Variants in PALLD observed in about 807,000 individuals in gnomAD.
The protein encoded by PALLD is palladin, cytoskeletal associated protein.
Under a neutral mutation model 123.5 loss-of-function variants are expected in PALLD, and 61 were observed. The observed-to-expected ratio is 0.49, with a 90% CI of 0.40 to 0.61. The LOEUF is 0.61. Ranked by LOEUF, PALLD falls within the 20% of genes least tolerant of loss-of-function variation. PALLD has a pLI of 0.00. For missense variants in PALLD, 1,273 were observed against 1,377.0 expected (o/e 0.92, Z 1.20); for synonymous variants, 465 against 496.4 (o/e 0.94, Z 0.84).
intron 10 of PALLD, among the ~76,000 whole-genome samples, chr4:168,879,941 C>T (rs182564552): frequency 5.3e-5 from 8 of 152,232 alleles, no homozygotes; most frequent in Admixed American, 4.6e-4. Context: ...TAGAGAGACC[C>T]AAAGAGCCAG....
intron 6 of PALLD, among the ~76,000 whole-genome samples, chr4:168,690,218 T>A (rs1264293152): frequency 2.0e-5 from 3 of 152,224 alleles, no homozygotes; most frequent in Non-Finnish European, 4.4e-5. Context: ...AATCTACTTT[T>A]ATTTAGAGTG....
chr4:168,881,674 AC>A (rs1296324723), intron 10 of PALLD, among the ~76,000 whole-genome samples: 2 of 152,026 alleles, frequency 1.3e-5, no homozygotes, highest in African/African-American at 4.8e-5. Flanking sequence ...AAGTTGACAA[AC>A]TCTTTTAGAT....
At chr4:168,873,793 T>C (rs1467713381) in intron 10 of PALLD, among the ~76,000 whole-genome samples, 7 of 152,210 alleles carry the variant, frequency 4.6e-5, no homozygotes, top group Admixed American at 2.6e-4. Context: ...ATTTTTTAAA[T>C]GGGGATAACC....
At position 168,625,502 on chromosome 4, in the gene PALLD, G is replaced by GATAGATAGATAGATATATATATATATAT; in HGVS notation, c.909-42685_909-42684insGATAGATAGATATATATATATATATATA. Among the ~76,000 whole-genome samples, 60 of 114,442 alleles carry GATAGATAGATAGATATATATATATATAT rather than the reference G, an allele frequency of 5.2e-4. 1 individual carries two copies. Among genetic ancestry groups the GATAGATAGATAGATATATATATATATAT allele is most frequent in the Non-Finnish European group, 8.4e-4 (46 of 54,864 alleles). The allele number at this position is 114,442 out of a possible 152,430, so 75.1% of individuals were successfully genotyped here. A position where few individuals can be genotyped will look rare whatever the true frequency, so the allele number is the denominator to read the frequency against. ...TCCAATAAGGGATTAATATCCAGGA[G>GATAGATAGATAGATATATATATATATAT]ATATATATATATATATCCTATAAGG... is the stretch of plus-strand genomic sequence containing the variant. On this transcript the variant is annotated intron_variant, in intron 2 of 21. Transcript: ENST00000505667.
intron 1 of PALLD, among the ~76,000 whole-genome samples, chr4:168,503,473 CCT>C (rs1761642374): frequency 6.6e-6 from 1 of 151,868 alleles, no homozygotes; most frequent in Admixed American, 6.6e-5. Flanking sequence ...AAGGGGAAAC[CCT>C]GTCTCTACTA....
At chr4:168,746,545 G>T (rs1217906920) in intron 10 of PALLD, among the ~76,000 whole-genome samples, 1 of 152,082 alleles carries the variant, frequency 6.6e-6, no homozygotes, top group Non-Finnish European at 1.5e-5. Context: ...AGTCCTTAGT[G>T]CATTGTACAT....
intron 2 of PALLD, among the ~76,000 whole-genome samples, chr4:168,522,621 T>C (rs1439677391): frequency 6.6e-6 from 1 of 152,214 alleles, no homozygotes; most frequent in Non-Finnish European, 1.5e-5. Context: ...ATTTAGACAT[T>C]GCATTCTTTT....
At chr4:168,852,077 A>G (rs1446730894) in intron 10 of PALLD, among the ~76,000 whole-genome samples, 2 of 152,198 alleles carry the variant, frequency 1.3e-5, no homozygotes, top group Non-Finnish European at 2.9e-5. Context: ...GGCTGGAGAA[A>G]TGAGGGACTT....
In PALLD at chr4:168,511,664, G is replaced by C; in HGVS notation, c.160G>C (p.Glu54Gln). The change falls in exon 2 of 22, where the codon GAA becomes CAA. Residue 54 changes from glutamate to glutamine, a missense_variant. By Grantham distance (29) the Glu-to-Gln change is conservative (BLOSUM62 2). This residue lies in a region of PALLD where 944 missense variants were observed against 954.5 expected (regional missense o/e 0.99). Coordinates refer to ENST00000505667, the MANE Select transcript of PALLD (RefSeq NM_001166108.2). ...GGCCCGGAGAGCCATAGCCGACTCCGAAACAGAAGATTTTGACTCGGAAAA... is the reference window on the plus strand; with the variant it reads ...GGCCCGGAGAGCCATAGCCGACTCCCAAACAGAAGATTTTGACTCGGAAAA... ...DLARRAIADS[E>Q]TEDFDSEKEI... 1 of 1,614,134 alleles carries C rather than the reference G, an allele frequency of 6.2e-7. No homozygotes were observed. Among genetic ancestry groups the C allele is most frequent in the Non-Finnish European group, 8.5e-7 (1 of 1,180,022 alleles).
chr4:168,588,059 T>C (rs1188062220), intron 2 of PALLD, among the ~76,000 whole-genome samples: 2 of 152,020 alleles, frequency 1.3e-5, no homozygotes, highest in Non-Finnish European at 2.9e-5. Flanking sequence ...ACTGGCGCTC[T>C]TGGATCTGGG....
intron 2 of PALLD, among the ~76,000 whole-genome samples, chr4:168,571,536 C>T (rs1394349112): frequency 6.6e-6 from 1 of 152,108 alleles, no homozygotes; most frequent in Non-Finnish European, 1.5e-5. Context: ...ATTTTAATTG[C>T]AATCCCTGAC....
intron 2 of PALLD, among the ~76,000 whole-genome samples, chr4:168,616,731 T>A (rs1774255071): frequency 6.6e-6 from 1 of 152,148 alleles, no homozygotes; most frequent in Admixed American, 6.5e-5. Context: ...AATCAGCATC[T>A]CTAACAGTGG....
chr4:168,539,537 G>A (rs961186014), intron 2 of PALLD, among the ~76,000 whole-genome samples: 11 of 151,646 alleles, frequency 7.3e-5, no homozygotes, highest in Admixed American at 5.9e-4. Context: ...GCAGTGAGCC[G>A]AGATGGCGCC....
At chr4:168,712,216 C>T in intron 10 of PALLD, 1 of 500,294 alleles carries the variant, frequency 2.0e-6, no homozygotes, top group Non-Finnish European at 3.6e-6. Flanking sequence ...TAGCCACTCC[C>T]TGGAGGCCAT....
At chr4:168,776,168 A>G (rs1206659834) in intron 10 of PALLD, among the ~76,000 whole-genome samples, 1 of 152,204 alleles carries the variant, frequency 6.6e-6, no homozygotes, top group Admixed American at 6.5e-5. Context: ...TCTCATGAAC[A>G]AAGTATATCT....
At chr4:168,791,192 G>T (rs1333644667) in intron 10 of PALLD, among the ~76,000 whole-genome samples, 1 of 152,120 alleles carries the variant, frequency 6.6e-6, no homozygotes, top group East Asian at 1.9e-4. Flanking sequence ...AGTGACCTCT[G>T]CCTGGCCAAA....
At chr4:168,531,125 T>C (rs1474107079) in intron 2 of PALLD, among the ~76,000 whole-genome samples, 2 of 152,236 alleles carry the variant, frequency 1.3e-5, no homozygotes. Context: ...ATATTGCTTA[T>C]AGTAGTAAGA....
At chr4:168,702,701 G>T (rs541864977) in intron 8 of PALLD, among the ~76,000 whole-genome samples, 9 of 152,170 alleles carry the variant, frequency 5.9e-5, no homozygotes, top group African/African-American at 2.2e-4. Context: ...TGAGGGATTT[G>T]ACCTAATCAA....
At chr4:168,627,664 G>A (rs540239969) in intron 2 of PALLD, among the ~76,000 whole-genome samples, 1 of 152,202 alleles carries the variant, frequency 6.6e-6, no homozygotes, top group South Asian at 2.1e-4. Flanking sequence ...TTAATGTCAT[G>A]AGATATCAAG....
Sources: gnomAD v4.1 joint callset for allele counts (sites outside exome capture counted in the v4.1 genomes callset) on GRCh38, gnomAD v4.1.1 for gene constraint, gnomAD v4.1.1 regional missense constraint, MANE v1.5 for transcripts, NCBI Gene and HGNC (gene_info 2026-07-23, HGNC 2026-07-21) for gene names.